Variants in SPOCK3 observed in about 807,000 individuals in gnomAD.
The protein encoded by SPOCK3 is SPARC (osteonectin), cwcv and kazal like domains proteoglycan 3.
A neutral mutation model predicts 56.6 loss-of-function variants in SPOCK3; 30 were observed. That is an observed-to-expected ratio of 0.53 (90% confidence interval 0.40 to 0.72). The LOEUF is 0.72. Among genes scored for constraint, SPOCK3 ranks in the 30% least tolerant of loss-of-function variants. The pLI is 0.00. For missense variants in SPOCK3, 527 were observed against 530.0 expected, an observed-to-expected ratio of 0.99 and a Z score of 0.06; for synonymous variants, 196 against 183.3, an observed-to-expected ratio of 1.07 and a Z score of -0.56.
chr4:167,087,028 C>A (rs1758263962), intron 2 of SPOCK3, among the ~76,000 whole-genome samples: 2 of 152,046 alleles, frequency 1.3e-5, no homozygotes, highest in Non-Finnish European at 1.5e-5. Context: ...CTTGGCCTAC[C>A]TGGATCTATA....
intron 4 of SPOCK3, among the ~76,000 whole-genome samples, chr4:166,953,953 A>C (rs969452559): frequency 2.0e-5 from 3 of 152,028 alleles, no homozygotes; most frequent in African/African-American, 7.2e-5. Flanking sequence ...TGGGGAGGGG[A>C]GGGATAGCAT....
At chr4:166,946,316 G>A (rs1386118871) in intron 4 of SPOCK3, among the ~76,000 whole-genome samples, 1 of 152,008 alleles carries the variant, frequency 6.6e-6, no homozygotes, top group East Asian at 1.9e-4. Context: ...AAAAGCCAAC[G>A]GCCTTACAAA....
intron 2 of SPOCK3, among the ~76,000 whole-genome samples, chr4:167,151,957 C>A (rs569846181): frequency 6.6e-6 from 1 of 152,108 alleles, no homozygotes; most frequent in South Asian, 2.1e-4. Flanking sequence ...CAGTACTAGA[C>A]AGTAGAGACG....
rs761459279 is a variant in SPOCK3 at position 166,912,677 on chromosome 4, G to A, written c.417C>T (p.Cys139=). Residue 139 remains cysteine, a synonymous_variant, in exon 5 of 11, where the codon TGC becomes TGT. Transcript: ENST00000357545. ...AAACAGGGCTGGGATAGACCACTGG[G>A]CACTGCTTGCAGGTGGATAATATGG... ...RGPILSTCKQ[C]PVVYPSPVCG... is the part of the protein sequence containing the mutation. 31 of 1,613,334 alleles carry A rather than the reference G, an allele frequency of 1.9e-5. No individual in the cohort carries two copies. The highest frequency in any genetic ancestry group is 2.4e-5 in the Non-Finnish European group (28 of 1,179,682).
At chr4:166,983,174 A>G (rs1251171700) in intron 4 of SPOCK3, among the ~76,000 whole-genome samples, 1 of 152,148 alleles carries the variant, frequency 6.6e-6, no homozygotes, top group Admixed American at 6.5e-5. Flanking sequence ...AAAAGAGACA[A>G]TTTTAATGAC....
At chr4:166,900,075 C>A (rs1735875867) in intron 5 of SPOCK3, among the ~76,000 whole-genome samples, 1 of 152,166 alleles carries the variant, frequency 6.6e-6, no homozygotes, top group South Asian at 2.1e-4. Context: ...GACTCCACAA[C>A]CCTCATGAGC....
intron 6 of SPOCK3, among the ~76,000 whole-genome samples, chr4:166,860,464 TAG>T (rs988557014): frequency 4.6e-5 from 7 of 151,858 alleles, no homozygotes; most frequent in African/African-American, 1.7e-4. Context: ...GAGAGAGAGC[TAG>T]AGAGACTTTA....
At chr4:166,773,841 C>T (rs919153796) in intron 7 of SPOCK3, among the ~76,000 whole-genome samples, 1 of 152,144 alleles carries the variant, frequency 6.6e-6, no homozygotes, top group African/African-American at 2.4e-5. Flanking sequence ...ATATTGATCA[C>T]ACCATGCACA....
rs147953123 is a variant in SPOCK3 at position 167,136,037 on chromosome 4, A to AT, written c.190-73501dup. On this transcript the variant is annotated intron_variant, in intron 2 of 10. Transcript: ENST00000357545. ...CTAATGTCCAAATATGCTTATTTTC[A>AT]TTTTTTTTTCCCTCTAAGGCAGTGG... 3.3e-3 allele frequency among the ~76,000 whole-genome samples: 506 copies of AT among 151,078 alleles called. 5 individuals are homozygous for AT. Among genetic ancestry groups the AT allele is most frequent in the African/African-American group, 0.011 (471 of 41,202 alleles).
chr4:167,023,092 T>C (rs1751354532), intron 3 of SPOCK3, among the ~76,000 whole-genome samples: 1 of 151,952 alleles, frequency 6.6e-6, no homozygotes, highest in Non-Finnish European at 1.5e-5. Flanking sequence ...GCTAAATGGT[T>C]TTTCACTTAG....
chr4:166,924,267 T>C (rs1468731547), intron 4 of SPOCK3, among the ~76,000 whole-genome samples: 1 of 152,226 alleles, frequency 6.6e-6, no homozygotes, highest in Non-Finnish European at 1.5e-5. Context: ...TCAAAGACTC[T>C]TTTCTGCCCT....
intron 4 of SPOCK3, among the ~76,000 whole-genome samples, chr4:166,917,843 C>T (rs1049360090): frequency 6.6e-6 from 1 of 152,014 alleles, no homozygotes; most frequent in Non-Finnish European, 1.5e-5. Flanking sequence ...TCAGGCATTT[C>T]TTTATATCAG....
intron 4 of SPOCK3, among the ~76,000 whole-genome samples, chr4:166,954,878 C>T (rs1743198560): frequency 6.6e-6 from 1 of 152,172 alleles, no homozygotes; most frequent in African/African-American, 2.4e-5. Flanking sequence ...ATATGCCCTT[C>T]CTGAATATCC....
At chr4:166,900,870 T>C (rs923608333) in intron 5 of SPOCK3, among the ~76,000 whole-genome samples, 11 of 152,128 alleles carry the variant, frequency 7.2e-5, no homozygotes, top group African/African-American at 2.7e-4. Context: ...ACAACAGGTA[T>C]TCCTGGAGAG....
intron 2 of SPOCK3, among the ~76,000 whole-genome samples, chr4:167,075,573 T>G (rs2150277261): frequency 6.6e-6 from 1 of 152,130 alleles, no homozygotes; most frequent in Non-Finnish European, 1.5e-5. Flanking sequence ...ATTTGATAGC[T>G]GGGAAAAGTA....
At chr4:167,064,190 C>T (rs910802412) in intron 2 of SPOCK3, among the ~76,000 whole-genome samples, 10 of 151,400 alleles carry the variant, frequency 6.6e-5, no homozygotes. Flanking sequence ...TGTAATTGCA[C>T]CCCACCAATT....
rs200743735 is a variant in SPOCK3 at position 166,985,207 on chromosome 4, ACC to A, written c.350+15140_350+15141del. ...TACCTTTGGATTGTTTGAAACCAGA[ACC>A]TAAGAAATCCTCCACAATGAAAATT... is the stretch of plus-strand genomic sequence containing the variant. On this transcript the variant is annotated intron_variant, in intron 4 of 10. Transcript: ENST00000357545. 8.7e-3 allele frequency among the ~76,000 whole-genome samples: 1,324 copies of A among 152,224 alleles called. 18 individuals are homozygous for A. The highest frequency in any genetic ancestry group is 0.03 in the African/African-American group (1,236 of 41,562).
intron 4 of SPOCK3, among the ~76,000 whole-genome samples, chr4:166,954,255 G>C (rs1743110623): frequency 6.6e-6 from 1 of 152,052 alleles, no homozygotes. Flanking sequence ...TTTGTGGGCT[G>C]TCTATTCAGT....
At chr4:166,761,973 G>A (rs7671287) in intron 7 of SPOCK3, among the ~76,000 whole-genome samples, 36,235 of 128,080 alleles carry the variant, frequency 0.28, 5,810 homozygotes, top group Admixed American at 0.35. Context: ...TTGGGAATTT[G>A]TTAATTTTCA....
Sources: gnomAD v4.1 joint callset for allele counts (sites outside exome capture counted in the v4.1 genomes callset) on GRCh38, gnomAD v4.1.1 for gene constraint, MANE v1.5 for transcripts, NCBI Gene and HGNC (gene_info 2026-07-23, HGNC 2026-07-21) for gene names.